GSDME: variants seen among roughly 807,000 people sequenced by gnomAD.
The protein encoded by GSDME is gasdermin-E.
A neutral mutation model predicts 47.5 loss-of-function variants in GSDME; 44 were observed. The ratio of observed to expected loss-of-function variants is 0.93; its 90% confidence interval spans 0.73 to 1.19. GSDME has a LOEUF of 1.19. Ranked by LOEUF, GSDME falls within the 50% of genes most tolerant of loss-of-function variation. GSDME has a pLI of 0.00. For missense variants in GSDME, 663 were observed against 604.2 expected, an observed-to-expected ratio of 1.10 and a Z score of -1.02; for synonymous variants, 258 against 252.8, an observed-to-expected ratio of 1.02 and a Z score of -0.20.
the GSDME span, among the ~76,000 whole-genome samples, chr7:24,794,484 C>T: frequency 6.6e-6 from 1 of 152,136 alleles, no homozygotes; most frequent in Admixed American, 6.5e-5. Flanking sequence ...TCTTAACCAC[C>T]GTGGGGGGTC....
chr7:24,739,486 A>C lies in GSDME; in HGVS notation c.404+5076T>G, dbSNP rs530886842. ...AAAAGACAGGCAATAAAAACTGCTG[A>C]TAAGAATGTGGAAAAAAAGGGAATG... is the stretch of plus-strand genomic sequence containing the variant. On this transcript the variant is annotated intron_variant, in intron 3 of 9. Coordinates refer to ENST00000645220, the MANE Select transcript of GSDME (RefSeq NM_001127453.2). The surrounding 1 kb of genome is among the most constrained non-coding windows in gnomAD (Gnocchi z 5.1). 6.6e-6 allele frequency among the ~76,000 whole-genome samples: 1 copy of C among 152,228 alleles called. No individual in the cohort carries two copies. The highest frequency in any genetic ancestry group is 2.1e-4 in the South Asian group (1 of 4,808).
chr7:24,712,884 G>A lies in GSDME; in HGVS notation c.698-2496C>T, dbSNP rs1329848766. Among the ~76,000 whole-genome samples the A allele has an allele frequency of 6.6e-6, 1 of 152,094 alleles. No individual in the cohort carries two copies. Among genetic ancestry groups the A allele is most frequent in the Non-Finnish European group, 1.5e-5 (1 of 68,020 alleles). ...AAATACAAAATTAGCCGGGCATAGT[G>A]GTGCACACCTGTAATCCCAGTTACT... On this transcript the variant is annotated intron_variant, in intron 5 of 9. Transcript: ENST00000645220. This position sits in a 1 kb window ranked among gnomAD's most constrained non-coding sequence, Gnocchi z 4.4.
At chr7:24,761,031 G>T (rs117372503), upstream of GSDME, among the ~76,000 whole-genome samples, 1,360 of 152,344 alleles carry the variant, frequency 8.9e-3, 11 homozygotes, top group Non-Finnish European at 0.014. This position sits in a 1 kb window ranked among gnomAD's most constrained non-coding sequence, Gnocchi z 4.4. Flanking sequence ...GAAATAATTT[G>T]CTGTCCCAAT....
At chr7:24,781,022 T>C in the GSDME span, among the ~76,000 whole-genome samples, 2 of 152,356 alleles carry the variant, frequency 1.3e-5, no homozygotes, top group East Asian at 3.9e-4. Context: ...CCATCATGTT[T>C]CTTCAGCTCT....
rs553798754 is a variant in GSDME, at chr7:24,735,513, T to C, written c.404+9049A>G. Reference sequence around the variant, plus strand: ...GGCTCACGCCTGTAATCCCAGCAGTTTGGGAGGCCGAGGTGGGTGTATCAC... The same window carrying C: ...GGCTCACGCCTGTAATCCCAGCAGTCTGGGAGGCCGAGGTGGGTGTATCAC... On this transcript the variant is annotated intron_variant, in intron 3 of 9. Transcript: ENST00000645220. The surrounding 1 kb of genome is among the most constrained non-coding windows in gnomAD (Gnocchi z 4.4). Among the ~76,000 whole-genome samples the C allele has an allele frequency of 3.9e-5, 6 of 152,214 alleles. No homozygotes were observed. The South Asian group carries it at 1.2e-3, about 32-fold the overall frequency.
chr7:24,760,053 G>A (rs1791144263), upstream of GSDME, among the ~76,000 whole-genome samples: 1 of 152,192 alleles, frequency 6.6e-6, no homozygotes, highest in African/African-American at 2.4e-5. This position sits in a 1 kb window ranked among gnomAD's most constrained non-coding sequence, Gnocchi z 4.2. Context: ...GGAGGGCTAT[G>A]GAAAGAAAAT....
the GSDME span, among the ~76,000 whole-genome samples, chr7:24,774,037 GA>G: frequency 1.3e-5 from 2 of 152,162 alleles, no homozygotes; most frequent in Non-Finnish European, 2.9e-5. Flanking sequence ...TTTAGGAGGA[GA>G]AAATGTTGTC....
the GSDME span, among the ~76,000 whole-genome samples, chr7:24,786,808 A>G: frequency 1.2e-4 from 19 of 152,194 alleles, no homozygotes; most frequent in African/African-American, 3.9e-4. The surrounding 1 kb of genome is among the most constrained non-coding windows in gnomAD (Gnocchi z 5.5). Flanking sequence ...TAAAATGACA[A>G]ATTTATGTAT....
At chr7:24,790,274 C>T in the GSDME span, among the ~76,000 whole-genome samples, 1 of 152,202 alleles carries the variant, frequency 6.6e-6, no homozygotes, top group Admixed American at 6.5e-5. The surrounding 1 kb of genome is among the most constrained non-coding windows in gnomAD (Gnocchi z 4.1). Flanking sequence ...CAGCTTGTAA[C>T]CATATGATTT....
chr7:24,731,646 AC>A (rs1203689545), intron 3 of GSDME, among the ~76,000 whole-genome samples: 3 of 152,228 alleles, frequency 2.0e-5, no homozygotes, highest in Non-Finnish European at 4.4e-5. Flanking sequence ...AAGTGGTAAC[AC>A]TAACAGTTAC....
At chr7:24,737,352 G>A (rs1790342355) in intron 3 of GSDME, among the ~76,000 whole-genome samples, 1 of 151,878 alleles carries the variant, frequency 6.6e-6, no homozygotes, top group Non-Finnish European at 1.5e-5. Context: ...GATCATTAGA[G>A]GCTACTATGA....
chr7:24,718,952 AGTC>A (rs2128053530), intron 4 of GSDME, 92 bp downstream of exon 4: 2 of 1,358,556 alleles, frequency 1.5e-6, no homozygotes, highest in Admixed American at 1.7e-5. Context: ...CTACGGAAAG[AGTC>A]CTGACTAATG....
At chr7:24,727,892 C>A (rs1790021244) in intron 3 of GSDME, among the ~76,000 whole-genome samples, 2 of 152,230 alleles carry the variant, frequency 1.3e-5, no homozygotes, top group African/African-American at 4.8e-5. Flanking sequence ...GCTCAAACCA[C>A]ATCTGTGCTG....
At chr7:24,703,553 T>G (rs1365375802) in intron 8 of GSDME, 1 of 153,722 alleles carries the variant, frequency 6.5e-6, no homozygotes, top group African/African-American at 2.4e-5. Flanking sequence ...GGGTACAAGC[T>G]TTGAGCTGAA....
At chr7:24,778,101 G>C in the GSDME span, among the ~76,000 whole-genome samples, 13,276 of 151,326 alleles carry the variant, frequency 0.088, 803 homozygotes, top group Non-Finnish European at 0.14. The surrounding 1 kb of genome is among the most constrained non-coding windows in gnomAD (Gnocchi z 5.6). Context: ...GAGAGAGAGA[G>C]AAAGACTGTG....
In GSDME at chr7:24,736,552, G is replaced by A. The variant is rs1790312581; in HGVS notation, c.404+8010C>T. On this transcript the variant is annotated intron_variant, in intron 3 of 9. Coordinates refer to ENST00000645220, the MANE Select transcript of GSDME (RefSeq NM_001127453.2). This position sits in a 1 kb window ranked among gnomAD's most constrained non-coding sequence, Gnocchi z 4.6. Reference sequence around the variant, plus strand: ...AATATTATTAAAGCTAAAGAGATAGGCCCCCAGTGCAGTAATACCTGGAGA... The same window carrying A: ...AATATTATTAAAGCTAAAGAGATAGACCCCCAGTGCAGTAATACCTGGAGA... Among the ~76,000 whole-genome samples, 1 of 152,082 alleles carries A rather than the reference G, an allele frequency of 6.6e-6. No homozygotes were observed. Among genetic ancestry groups the A allele is most frequent in the Admixed American group, 6.6e-5 (1 of 15,262 alleles).
intron 1 of GSDME, among the ~76,000 whole-genome samples, chr7:24,752,451 G>C (rs1344107585): frequency 6.6e-6 from 1 of 152,190 alleles, no homozygotes. Flanking sequence ...GACTGCAGGG[G>C]AACAAGATTA....
chr7:24,779,561 C>T, the GSDME span, among the ~76,000 whole-genome samples: 1 of 145,728 alleles, frequency 6.9e-6, no homozygotes, highest in Non-Finnish European at 1.5e-5. The surrounding 1 kb of genome is among the most constrained non-coding windows in gnomAD (Gnocchi z 6.0). Flanking sequence ...GGGCTTTCAT[C>T]AGGGGAAAAA....
At chr7:24,774,027 T>C in the GSDME span, among the ~76,000 whole-genome samples, 1 of 152,182 alleles carries the variant, frequency 6.6e-6, no homozygotes. Flanking sequence ...CCCTGCTTCC[T>C]TTAGGAGGAG....
Sources: gnomAD v4.1 joint callset for allele counts (sites outside exome capture counted in the v4.1 genomes callset) on GRCh38, gnomAD v4.1.1 for gene constraint, Gnocchi (gnomAD v3.1) non-coding constraint, MANE v1.5 for transcripts, NCBI Gene and HGNC (gene_info 2026-07-23, HGNC 2026-07-21) for gene names.